Variants in XYLT1 observed in about 807,000 individuals in gnomAD.
XYLT1 encodes xylosyltransferase 1.
A neutral mutation model predicts 91.3 loss-of-function variants in XYLT1; 36 were observed. The ratio of observed to expected loss-of-function variants is 0.39; its 90% confidence interval spans 0.30 to 0.52. The LOEUF is 0.52. XYLT1 is among the 20% of genes least tolerant of loss of function. XYLT1 has a pLI of 0.68. For synonymous variants in XYLT1, 588 were observed against 532.0 expected (o/e 1.11, Z -1.45); for missense variants, 1,242 against 1,284.5 (o/e 0.97, Z 0.51).
intron 2 of XYLT1, among the ~76,000 whole-genome samples, chr16:17,318,142 C>T (rs940635433): frequency 1.3e-5 from 2 of 152,222 alleles, no homozygotes; most frequent in Admixed American, 6.5e-5. Flanking sequence ...TTTCCAGATT[C>T]CCAGTATATC....
chr16:17,161,567 T>C (rs573309970), intron 5 of XYLT1, among the ~76,000 whole-genome samples: 19 of 152,284 alleles, frequency 1.2e-4, no homozygotes, highest in African/African-American at 4.3e-4. Flanking sequence ...AATTCTCCTA[T>C]TGTTGCTTTC....
intron 3 of XYLT1, among the ~76,000 whole-genome samples, chr16:17,234,290 C>T (rs940923984): frequency 6.6e-6 from 1 of 152,184 alleles, no homozygotes; most frequent in Non-Finnish European, 1.5e-5. Context: ...CTAGATGTTT[C>T]ACTCCCAAGT....
At chr16:17,308,115 C>A (rs1446779939) in intron 2 of XYLT1, among the ~76,000 whole-genome samples, 1 of 152,118 alleles carries the variant, frequency 6.6e-6, no homozygotes, top group African/African-American at 2.4e-5. Flanking sequence ...AGTGAGAGAG[C>A]TTGAAGGCTT....
chr16:17,318,620 C>G (rs920516189), intron 2 of XYLT1, among the ~76,000 whole-genome samples: 3 of 152,138 alleles, frequency 2.0e-5, no homozygotes, highest in Non-Finnish European at 4.4e-5. Context: ...CGAAGCACTA[C>G]TGGAATTCAG....
At chr16:17,232,642 CAG>C (rs998866156) in intron 3 of XYLT1, among the ~76,000 whole-genome samples, 1 of 151,258 alleles carries the variant, frequency 6.6e-6, no homozygotes, top group Non-Finnish European at 1.5e-5. Flanking sequence ...AAGGCGATGA[CAG>C]TGGTGGTGAT....
At chr16:17,311,313 C>T (rs948494238) in intron 2 of XYLT1, among the ~76,000 whole-genome samples, 4 of 152,150 alleles carry the variant, frequency 2.6e-5, no homozygotes, top group Admixed American at 2.0e-4. Context: ...TTAACTAGGT[C>T]CTCTGGTTCA....
At chr16:17,458,163 C>T (rs774343473) in intron 1 of XYLT1, among the ~76,000 whole-genome samples, 2 of 152,150 alleles carry the variant, frequency 1.3e-5, no homozygotes, top group Non-Finnish European at 2.9e-5. Context: ...ATTGCTTCTC[C>T]CCTCGCTCAT....
chr16:17,333,686 C>G (rs2034937096), intron 2 of XYLT1, among the ~76,000 whole-genome samples: 1 of 150,136 alleles, frequency 6.7e-6, no homozygotes, highest in African/African-American at 2.5e-5. Flanking sequence ...CTCCCGAGTT[C>G]AAGCAATTCT....
intron 6 of XYLT1, among the ~76,000 whole-genome samples, chr16:17,155,869 G>A (rs1037536529): frequency 2.6e-5 from 4 of 152,024 alleles, no homozygotes; most frequent in East Asian, 1.9e-4. Context: ...TGTCAATTAC[G>A]GATGCACATC....
rs553361519 is a variant in XYLT1 at position 17,315,479 on chromosome 16, T to A, written c.402+42533A>T. Reference sequence around the variant, plus strand: ...AACTCTCAATTCTAGAATCTTCTGCTTCTATCTCAGCACTAGTCACAGCAG... The same window carrying A: ...AACTCTCAATTCTAGAATCTTCTGCATCTATCTCAGCACTAGTCACAGCAG... On this transcript the variant is annotated intron_variant, in intron 2 of 11. Coordinates refer to ENST00000261381, the MANE Select transcript of XYLT1 (RefSeq NM_022166.4). Among the ~76,000 whole-genome samples, 4 of 152,336 alleles carry A rather than the reference T, an allele frequency of 2.6e-5. No homozygotes were observed. In the East Asian group the frequency reaches 7.7e-4, roughly 29 times the overall value.
At chr16:17,422,983 T>A (rs1236007892) in intron 1 of XYLT1, among the ~76,000 whole-genome samples, 2 of 151,696 alleles carry the variant, frequency 1.3e-5, no homozygotes, top group East Asian at 1.9e-4. Flanking sequence ...AGAGGCTGAC[T>A]TTTTTAGCCC....
intron 1 of XYLT1, among the ~76,000 whole-genome samples, chr16:17,380,569 G>A (rs1165133380): frequency 6.6e-6 from 1 of 152,174 alleles, no homozygotes; most frequent in Non-Finnish European, 1.5e-5. Context: ...CAGATGGAGG[G>A]ATAATAAGGT....
intron 1 of XYLT1, among the ~76,000 whole-genome samples, chr16:17,377,239 C>T (rs1236315148): frequency 1.4e-5 from 2 of 145,958 alleles, no homozygotes; most frequent in East Asian, 3.9e-4. Context: ...ATAGTCAAGG[C>T]TCAGATTAAC....
chr16:17,262,364 G>T (rs1480193092), intron 2 of XYLT1, among the ~76,000 whole-genome samples: 1 of 152,152 alleles, frequency 6.6e-6, no homozygotes, highest in African/African-American at 2.4e-5. Context: ...AATTCATGTT[G>T]GGGAGGCAGC....
At chr16:17,138,078 C>CTTTCTGTGCCTCACAGT (rs1190227519) in intron 8 of XYLT1, among the ~76,000 whole-genome samples, 3 of 152,000 alleles carry the variant, frequency 2.0e-5, no homozygotes, top group Non-Finnish European at 4.4e-5. Flanking sequence ...TTTTTTTAAC[C>CTTTCTGTGCCTCACAGT]TTTCTGTGCC....
chr16:17,158,451 G>A (rs1567300644), intron 6 of XYLT1, among the ~76,000 whole-genome samples: 1 of 152,224 alleles, frequency 6.6e-6, no homozygotes, highest in South Asian at 2.1e-4. Context: ...GTATTTGAAT[G>A]AGTGGCTGAC....
rs933359278 is a variant in XYLT1 at position 17,106,119 on chromosome 16, C to T, written c.*2576G>A. ...AGAGTCAGCCAGCTCTGCCATTTCT[C>T]CACTTGTTCCAGGATAAAAACAAAA... On this transcript the variant is annotated 3_prime_UTR_variant, in exon 12 of 12. Coordinates refer to ENST00000261381, the MANE Select transcript of XYLT1 (RefSeq NM_022166.4). The T allele has an allele frequency of 3.3e-5, 5 of 152,156 alleles. No homozygotes were observed. The highest frequency in any genetic ancestry group is 1.2e-4 in the African/African-American group (5 of 41,424). The allele number at this position is 152,156 out of a possible 1,614,324, so 9.4% of individuals were successfully genotyped here.
intron 2 of XYLT1, among the ~76,000 whole-genome samples, chr16:17,289,978 A>C (rs1025510764): frequency 6.6e-6 from 1 of 152,228 alleles, no homozygotes; most frequent in African/African-American, 2.4e-5. Context: ...CATTTTAAGG[A>C]TATCTATCTC....
At chr16:17,248,623 G>C (rs986993065) in intron 3 of XYLT1, among the ~76,000 whole-genome samples, 10 of 152,106 alleles carry the variant, frequency 6.6e-5, no homozygotes, top group East Asian at 5.8e-4. Flanking sequence ...ATACTCCCTT[G>C]ACCTGGAATG....
Sources: gnomAD v4.1 joint callset for allele counts (sites outside exome capture counted in the v4.1 genomes callset) on GRCh38, gnomAD v4.1.1 for gene constraint, MANE v1.5 for transcripts, NCBI Gene and HGNC (gene_info 2026-07-23, HGNC 2026-07-21) for gene names.